UBR1: variants seen among roughly 807,000 people sequenced by gnomAD.
UBR1 encodes E3 ubiquitin-protein ligase UBR1.
UBR1 carries 102 observed loss-of-function variants against 242.1 expected under a neutral mutation model. That is an observed-to-expected ratio of 0.42 (90% CI 0.36 to 0.50). The LOEUF is 0.50. UBR1 is among the 20% of genes least tolerant of loss of function. The pLI, the probability that UBR1 is intolerant of heterozygous loss-of-function variation, is 0.01. For synonymous variants in UBR1, 675 were observed against 684.8 expected (o/e 0.99, Z 0.22); for missense variants, 1,772 against 2,101.8 (o/e 0.84, Z 3.07).
At chr15:43,035,774 A>G (rs973452295) in intron 19 of UBR1, among the ~76,000 whole-genome samples, 1 of 151,322 alleles carries the variant, frequency 6.6e-6, no homozygotes, top group Non-Finnish European at 1.5e-5. Context: ...TAACGTTTAA[A>G]TCTTTAATCC....
chr15:43,085,306 C>T (rs1373818663), intron 2 of UBR1, among the ~76,000 whole-genome samples: 1 of 152,228 alleles, frequency 6.6e-6, no homozygotes. Context: ...CCTGACTCTG[C>T]TGGGGAAGTA....
At chr15:43,058,303 T>C in intron 10 of UBR1, 38 bp downstream of exon 10, 1 of 1,257,870 alleles carries the variant, frequency 7.9e-7, no homozygotes, top group Non-Finnish European at 1.1e-6. Flanking sequence ...AAAAACTGCC[T>C]ATTTCTATTT....
intron 10 of UBR1, among the ~76,000 whole-genome samples, chr15:43,057,340 C>T (rs2033630829): frequency 6.6e-6 from 1 of 152,174 alleles, no homozygotes; most frequent in African/African-American, 2.4e-5. Context: ...TTGCCTACAA[C>T]AATCATTATT....
rs1036536816 is a variant in UBR1, at chr15:43,002,824, T to C, written c.3510-120A>G. ...GAATTTTTGCCCCAATAAACATCTT[T>C]AGAACATACATGCAAAAACACACAA... On this transcript the variant is annotated intron_variant, in intron 31 of 46. Coordinates refer to ENST00000290650, the MANE Select transcript of UBR1 (RefSeq NM_174916.3). 2.3e-5 allele frequency: 28 copies of C among 1,225,352 alleles called. No homozygotes were observed. In the Admixed American group the frequency reaches 5.4e-4, roughly 24 times the overall value. The allele number at this position is 1,225,352 out of a possible 1,614,324, so 75.9% of individuals were successfully genotyped here. A position where few individuals can be genotyped will look rare whatever the true frequency, so the allele number is the denominator to read the frequency against.
intron 6 of UBR1, among the ~76,000 whole-genome samples, chr15:43,061,616 T>A (rs1030185810): frequency 1.3e-5 from 2 of 152,082 alleles, no homozygotes; most frequent in Non-Finnish European, 1.5e-5. Context: ...CAGGCTGGAA[T>A]ACTACTCAGC....
Position 42,965,916 on chromosome 15 carries a change from G to A in UBR1, c.4591+237C>T, listed in dbSNP as rs186140921. Among the ~76,000 whole-genome samples, 222 of 152,294 alleles carry A rather than the reference G, an allele frequency of 1.5e-3. 4 individuals carry two copies. Among genetic ancestry groups the A allele is most frequent in the Admixed American group, 0.014 (218 of 15,290 alleles). On this transcript the variant is annotated intron_variant, in intron 41 of 46. Coordinates refer to ENST00000290650, the MANE Select transcript of UBR1 (RefSeq NM_174916.3). ...GCATGCAGGTATTTTATAAGCTCAA[G>A]CACATAACCTATACATAGATAGGAG...
chr15:43,000,772 G>A (rs574309527), intron 32 of UBR1, among the ~76,000 whole-genome samples: 1 of 152,278 alleles, frequency 6.6e-6, no homozygotes, highest in East Asian at 1.9e-4. Flanking sequence ...ATACGTTGAA[G>A]AAGACAATTT....
intron 12 of UBR1, among the ~76,000 whole-genome samples, chr15:43,051,598 A>G (rs966515018): frequency 5.9e-5 from 9 of 152,226 alleles, no homozygotes. Flanking sequence ...AAATTAAAAA[A>G]AGCAGCTCCC....
intron 32 of UBR1, 90 bp from the exon 33 acceptor site, chr15:42,998,355 C>T: frequency 8.2e-7 from 1 of 1,220,624 alleles, no homozygotes; most frequent in Non-Finnish European, 1.2e-6. Context: ...GATAAATGGT[C>T]ATATAAAAAA....
intron 21 of UBR1, among the ~76,000 whole-genome samples, chr15:43,028,895 C>A (rs910474612): frequency 6.6e-6 from 1 of 151,956 alleles, no homozygotes; most frequent in Admixed American, 6.6e-5. Context: ...ACCAGCCTGG[C>A]CAATATGGTG....
chr15:42,963,925 C>G lies in UBR1; in HGVS notation c.4700+10G>C. The G allele has an allele frequency of 1.9e-6, 3 of 1,574,342 alleles. No homozygotes were observed. The South Asian group carries it at 3.3e-5, about 17-fold the overall frequency. ...AATAACCCAACAACAATATTTTATC[C>G]CCATAGTACCTCTGGAGCAAGGGCC... On this transcript the variant is annotated intron_variant, in intron 42 of 46. Transcript: ENST00000290650.
chr15:42,995,780 ATTG>A (rs2032629031), intron 33 of UBR1, among the ~76,000 whole-genome samples: 1 of 152,274 alleles, frequency 6.6e-6, no homozygotes, highest in East Asian at 1.9e-4. Flanking sequence ...CACCCAACAG[ATTG>A]TTATCTCATT....
intron 14 of UBR1, among the ~76,000 whole-genome samples, chr15:43,043,848 T>C (rs1187817266): frequency 6.6e-6 from 1 of 152,100 alleles, no homozygotes; most frequent in Non-Finnish European, 1.5e-5. Context: ...GTAGGAAACA[T>C]AAGATATACC....
chr15:43,015,855 T>G lies in UBR1; in HGVS notation c.3042A>C (p.Lys1014Asn), dbSNP rs79459762. The G allele has an allele frequency of 6.2e-7, 1 of 1,614,010 alleles. No homozygotes were observed. The highest frequency in any genetic ancestry group is 1.3e-5 in the African/African-American group (1 of 75,046). ...SIKNDEITHD[K>N]EKAERKRKAE... is the part of the protein sequence containing the mutation. ...CTTTTCTTTTTCGTTCTGCTTTTTC[T>G]TTATCATGAGTAATCTGGGTATTAA... The change falls in exon 29 of 47, where the codon AAA (lysine) becomes AAC (asparagine). Residue 1014 changes from lysine (K) to asparagine (N), a missense_variant. By Grantham distance (94) the Lys-to-Asn change is moderately conservative. Around this residue, in one of 3 missense-constraint regions of UBR1, gnomAD observed 965 missense variants for 1,079.7 expected, o/e 0.89. Coordinates refer to ENST00000290650, the MANE Select transcript of UBR1 (RefSeq NM_174916.3).
intron 41 of UBR1, among the ~76,000 whole-genome samples, chr15:42,965,761 C>T (rs2032096024): frequency 2.0e-5 from 3 of 152,194 alleles, no homozygotes; most frequent in Admixed American, 2.0e-4. Context: ...GCCACCACAC[C>T]CGGCCTACAT....
At chr15:43,102,035 G>A (rs552896579) in intron 1 of UBR1, among the ~76,000 whole-genome samples, 41 of 150,912 alleles carry the variant, frequency 2.7e-4, no homozygotes, top group African/African-American at 9.3e-4. Context: ...AGCTACTCGG[G>A]AGGCTGAGGC....
At chr15:43,071,635 A>T (rs1461802718) in intron 4 of UBR1, among the ~76,000 whole-genome samples, 3 of 151,434 alleles carry the variant, frequency 2.0e-5, no homozygotes, top group Non-Finnish European at 4.4e-5. Flanking sequence ...GCTTAACCAT[A>T]AAAAAAAAGA....
chr15:43,014,819 C>T (rs1169083044), intron 29 of UBR1, among the ~76,000 whole-genome samples: 118 of 149,708 alleles, frequency 7.9e-4, no homozygotes, highest in Non-Finnish European at 1.2e-3. Context: ...CCAGCCGCCC[C>T]GTCCGGGAGG....
rs1398589711 is a variant in UBR1, at chr15:43,043,340, C to G, written c.1724G>C (p.Ser575Thr). 2 of 1,614,050 alleles carry G rather than the reference C, an allele frequency of 1.2e-6. No homozygotes were observed. The highest frequency in any genetic ancestry group is 1.6e-4 in the Middle Eastern group (1 of 6,062). Residue 575 changes from serine to threonine, a missense_variant, in exon 15 of 47, where the codon AGT (serine) becomes ACT (threonine). Ser to Thr is a moderately conservative substitution (Grantham distance 58, BLOSUM62 1). Coordinates refer to ENST00000290650, the MANE Select transcript of UBR1 (RefSeq NM_174916.3). ...KECHKAVMRC[S>T]TSFISSSKTV... ...CTTGCTACTAGATATGAAACTGGTACTGCACCTCATCACAGCTTTGTGACA... is the reference window on the plus strand; with the variant it reads ...CTTGCTACTAGATATGAAACTGGTAGTGCACCTCATCACAGCTTTGTGACA...
Sources: allele counts gnomAD v4.1 joint callset (sites outside exome capture counted in the v4.1 genomes callset), GRCh38; gene constraint gnomAD v4.1.1; regional missense constraint gnomAD v4.1.1; transcripts MANE v1.5; gene names NCBI Gene and HGNC (gene_info 2026-07-23, HGNC 2026-07-21).